Variants in USP37 observed in about 807,000 individuals in gnomAD.
The protein encoded by USP37 is ubiquitin carboxyl-terminal hydrolase 37.
USP37 carries 27 observed loss-of-function variants against 124.0 expected under a neutral mutation model. The observed-to-expected ratio is 0.22, with a 90% CI of 0.16 to 0.30. The LOEUF (loss-of-function observed/expected upper bound fraction) is 0.30. Ranked by LOEUF, USP37 falls within the 10% of genes least tolerant of loss-of-function variation. The probability of loss-of-function intolerance (pLI) is 1.00; values close to 1 mark genes in which losing one functional copy is unlikely to be tolerated. For missense variants in USP37, 889 were observed against 1,140.4 expected (o/e 0.78, Z 3.17); for synonymous variants, 365 against 388.0 (o/e 0.94, Z 0.70).
At chr2:218,485,814 C>T in intron 15 of USP37, 71 bp from the exon 16 acceptor site, 1 of 1,521,094 alleles carries the variant, frequency 6.6e-7, no homozygotes, top group Non-Finnish European at 9.0e-7. Context: ...ATAATTTGCT[C>T]TAGTCTTATT....
chr2:218,479,563 A>T, intron 18 of USP37, 87 bp downstream of exon 18: 1 of 1,081,156 alleles, frequency 9.2e-7, no homozygotes, highest in Non-Finnish European at 1.4e-6. Context: ...GAAAAACAAT[A>T]ATGAAAAGGC....
At position 218,457,141 on chromosome 2, in the gene USP37, C is replaced by A. The variant is rs981867258; in HGVS notation, c.2664G>T (p.Ser888=). Residue 888 remains serine, a synonymous_variant, in exon 24 of 26, where the codon TCG becomes TCT. Coordinates refer to ENST00000258399, the MANE Select transcript of USP37 (RefSeq NM_020935.3). The part of the protein sequence containing the change: ...RNAETGNLPH[S]YRLISVVSHI... ...GACTGACAACACTGATGAGCCGGTACGAATGAGGCAGATTTCCTGTCTGGA... is the reference window on the plus strand; with the variant it reads ...GACTGACAACACTGATGAGCCGGTAAGAATGAGGCAGATTTCCTGTCTGGA... 4 of 1,613,646 alleles carry A rather than the reference C, an allele frequency of 2.5e-6. No individual in the cohort carries two copies. The Admixed American group carries it at 5.0e-5, about 20-fold the overall frequency.
At chr2:218,481,683 CTTTTT>C (rs71403043) in intron 17 of USP37, among the ~76,000 whole-genome samples, 8 of 134,470 alleles carry the variant, frequency 5.9e-5, no homozygotes, top group Non-Finnish European at 9.7e-5. Flanking sequence ...CTTTTCTTTT[CTTTTT>C]TTTTTTTTTT....
chr2:218,506,693 A>C, intron 11 of USP37, among the ~76,000 whole-genome samples: 1 of 149,010 alleles, frequency 6.7e-6, no homozygotes, highest in East Asian at 2.0e-4. Flanking sequence ...AGTATCTTTA[A>C]TTTAAAACTT....
intron 15 of USP37, 118 bp from the exon 16 acceptor site, chr2:218,485,861 T>A: frequency 8.7e-7 from 1 of 1,145,228 alleles, no homozygotes; most frequent in Non-Finnish European, 1.2e-6. Context: ...GAACCAGTTT[T>A]AAAAATTCTG....
At chr2:218,485,788 A>T in intron 15 of USP37, 45 bp from the exon 16 acceptor site, 2 of 1,564,414 alleles carry the variant, frequency 1.3e-6, no homozygotes, top group Non-Finnish European at 1.7e-6. Flanking sequence ...AATCAGCATT[A>T]GTATCTTAAA....
At position 218,546,094 on chromosome 2, in the gene USP37, A is replaced by G; in HGVS notation, c.680+127T>C. 3.9e-6 allele frequency: 3 copies of G among 766,480 alleles called. No individual in the cohort carries two copies. The South Asian group carries it at 5.6e-5, about 14-fold the overall frequency. 47.5% of individuals were successfully genotyped at this position (766,480 alleles called of 1,614,324 possible). On this transcript the variant is annotated intron_variant, in intron 8 of 25. Transcript: ENST00000258399. ...CAGTCTACTGTCACCAAACTACTTT[A>G]CATTCTGCTCTTCCATCTTTGGAAT...
chr2:218,540,677 A>G (rs1387436621), intron 8 of USP37, among the ~76,000 whole-genome samples: 19 of 152,184 alleles, frequency 1.2e-4, no homozygotes, highest in Admixed American at 1.2e-3. Context: ...TTATTTCTGG[A>G]ATTTTCCATT....
chr2:218,485,769 A>T, intron 15 of USP37, 26 bp from the exon 16 acceptor site: 1 of 1,592,078 alleles, frequency 6.3e-7, no homozygotes, highest in Non-Finnish European at 8.5e-7. Flanking sequence ...AAAATAAAGC[A>T]TGAAGGTGAA....
intron 3 of USP37, among the ~76,000 whole-genome samples, chr2:218,558,880 C>T (rs1693167750): frequency 6.6e-6 from 1 of 152,044 alleles, no homozygotes; most frequent in South Asian, 2.1e-4. Flanking sequence ...CATACTGCTA[C>T]CGCTAAAGAC....
intron 15 of USP37, among the ~76,000 whole-genome samples, chr2:218,487,729 T>G (rs1691656591): frequency 1.3e-5 from 2 of 152,136 alleles, no homozygotes; most frequent in South Asian, 4.2e-4. Context: ...AACAAACTAT[T>G]TCTAAGATTG....
At chr2:218,516,231 T>A (rs538615165) in intron 10 of USP37, among the ~76,000 whole-genome samples, 2 of 149,734 alleles carry the variant, frequency 1.3e-5, no homozygotes, top group Non-Finnish European at 3.0e-5. Context: ...TAAAGACACA[T>A]GCACACATAA....
chr2:218,537,845 A>G (rs1691739789), intron 8 of USP37, among the ~76,000 whole-genome samples: 1 of 152,164 alleles, frequency 6.6e-6, no homozygotes, highest in African/African-American at 2.4e-5. Flanking sequence ...GCCAAAAATT[A>G]TACCTCATCT....
At chr2:218,528,834 A>AAAAAAAAAAAAAAC (rs1691136954) in intron 10 of USP37, 1 of 399,920 alleles carries the variant, frequency 2.5e-6, no homozygotes, top group Non-Finnish European at 4.3e-6. Flanking sequence ...AAAAAAAAAA[A>AAAAAAAAAAAAAAC]AAAAAAAGAG....
At chr2:218,549,464 CTTT>C (rs35795642) in intron 6 of USP37, among the ~76,000 whole-genome samples, 16 of 118,468 alleles carry the variant, frequency 1.4e-4, no homozygotes, top group Admixed American at 5.1e-4. Context: ...CTATGACTAT[CTTT>C]TTTTTTTTTT....
chr2:218,560,569 A>G (rs1449315866), intron 3 of USP37, among the ~76,000 whole-genome samples: 1 of 152,222 alleles, frequency 6.6e-6, no homozygotes, highest in Non-Finnish European at 1.5e-5. Context: ...CAATGTTAAC[A>G]GGAGTCACTA....
At chr2:218,511,074 T>G (rs1489025230) in intron 10 of USP37, among the ~76,000 whole-genome samples, 1 of 152,200 alleles carries the variant, frequency 6.6e-6, no homozygotes, top group Non-Finnish European at 1.5e-5. Context: ...TGCACTGTCC[T>G]GATTACTACT....
chr2:218,550,941 T>C (rs1403237716), intron 5 of USP37, among the ~76,000 whole-genome samples: 1 of 152,212 alleles, frequency 6.6e-6, no homozygotes, highest in Non-Finnish European at 1.5e-5. Flanking sequence ...TCTAATTTTT[T>C]AACACAAGTT....
chr2:218,553,979 G>A (rs1692804771), intron 4 of USP37, among the ~76,000 whole-genome samples: 2 of 151,972 alleles, frequency 1.3e-5, no homozygotes, highest in Admixed American at 1.3e-4. Context: ...TAATAGAGAA[G>A]GAAAAATAAA....
Sources: allele counts gnomAD v4.1 joint callset (sites outside exome capture counted in the v4.1 genomes callset), GRCh38; gene constraint gnomAD v4.1.1; transcripts MANE v1.5; gene names NCBI Gene and HGNC (gene_info 2026-07-23, HGNC 2026-07-21).